Variants in DMD observed in about 807,000 individuals in gnomAD.
DMD encodes the protein dystrophin.
A neutral mutation model predicts 330.1 loss-of-function variants in DMD; 63 were observed. The observed-to-expected ratio is 0.19, with a 90% CI of 0.16 to 0.24. The LOEUF (loss-of-function observed/expected upper bound fraction) is 0.24. Among genes scored for constraint, DMD ranks in the 10% least tolerant of loss-of-function variants. The pLI, the probability that DMD is intolerant of heterozygous loss-of-function variation, is 1.00. For synonymous variants in DMD, 1,223 were observed against 959.8 expected (o/e 1.27, Z -5.07); for missense variants, 3,344 against 2,684.1 (o/e 1.25, Z -5.43).
chrX:31,509,003 A>G (rs946355200), intron 55 of DMD, among the ~76,000 whole-genome samples: 1 of 111,275 alleles, frequency 9.0e-6, no homozygotes, highest in Non-Finnish European at 1.9e-5. Context: ...GATGGACTCT[A>G]AAGAGAGTTG....
At chrX:33,051,079 T>A (rs191629411) in intron 1 of DMD, among the ~76,000 whole-genome samples, 3 of 112,252 alleles carry the variant, frequency 2.7e-5, no homozygotes, top group Non-Finnish European at 5.6e-5. Context: ...ACACCCATAA[T>A]GTAAGTAACG....
chrX:32,130,420 G>A (rs2146910082), intron 44 of DMD, among the ~76,000 whole-genome samples: 1 of 111,243 alleles, frequency 9.0e-6, no homozygotes, highest in Non-Finnish European at 1.9e-5. Context: ...TCTTGTTTCT[G>A]TATAAATTCC....
chrX:31,794,718 CTTT>C (rs373671829), intron 50 of DMD, among the ~76,000 whole-genome samples: 6 of 99,482 alleles, frequency 6.0e-5, no homozygotes, highest in Non-Finnish European at 2.1e-5. Flanking sequence ...GCTAGTTCCT[CTTT>C]TTTTTTTTTT....
At chrX:32,603,498 G>T (rs1284024077) in intron 12 of DMD, among the ~76,000 whole-genome samples, 1 of 110,059 alleles carries the variant, frequency 9.1e-6, no homozygotes, top group Non-Finnish European at 1.9e-5. Context: ...CAGAATATAA[G>T]AAATAACAAT....
chrX:33,016,845 G>A (rs372165779), intron 2 of DMD, among the ~76,000 whole-genome samples: 1 of 111,716 alleles, frequency 9.0e-6, no homozygotes, highest in African/African-American at 3.2e-5. Context: ...TTTCAAAACT[G>A]TACTTCCCTT....
At chrX:32,466,979 C>A (rs1402264365) in intron 23 of DMD, among the ~76,000 whole-genome samples, 1 of 111,685 alleles carries the variant, frequency 9.0e-6, no homozygotes, top group African/African-American at 3.3e-5. Context: ...CACCTACCTT[C>A]CTCCTTCACT....
intron 42 of DMD, 110 bp from the exon 43 acceptor site, chrX:32,287,811 C>T: frequency 1.9e-6 from 1 of 533,582 alleles, no homozygotes; most frequent in Non-Finnish European, 2.8e-6. Context: ...TGTTGCAATT[C>T]TTAATTATTG....
chrX:32,278,965 G>A (rs1411441341), intron 43 of DMD, among the ~76,000 whole-genome samples: 2 of 111,779 alleles, frequency 1.8e-5, no homozygotes, highest in African/African-American at 3.2e-5. Context: ...CAACTCTATA[G>A]GAAAAAGTCT....
At chrX:31,409,120 A>G (rs976889603) in intron 60 of DMD, among the ~76,000 whole-genome samples, 10 of 111,231 alleles carry the variant, frequency 9.0e-5, no homozygotes, top group Non-Finnish European at 1.9e-4. Context: ...TGAATTCATC[A>G]TTTTTTATGG....
chrX:31,296,211 T>C (rs1042038737), intron 62 of DMD, among the ~76,000 whole-genome samples: 2 of 111,275 alleles, frequency 1.8e-5, no homozygotes, highest in Admixed American at 1.9e-4. Context: ...TTCCATTTAC[T>C]TCTGCCATGG....
intron 1 of DMD, among the ~76,000 whole-genome samples, chrX:33,237,006 G>A (rs1332048140): frequency 1.8e-5 from 2 of 111,415 alleles, no homozygotes; most frequent in Non-Finnish European, 3.8e-5. Context: ...TGCATCCAGC[G>A]AGCAAAAACC....
In DMD at chrX:31,608,893, T is replaced by C. The variant is rs147275874; in HGVS notation, c.8217+18780A>G. Among the ~76,000 whole-genome samples the C allele has an allele frequency of 7.3e-3, 814 of 111,724 alleles. 3 individuals carry two copies. The highest frequency in any genetic ancestry group is 0.013 in the Non-Finnish European group (666 of 53,017). The stretch of plus-strand genomic sequence containing the variant: ...TAAGGAGGCATTGTTAAGGTTGTGA[T>C]TGCAGAAGGTGGAGAAGAAATGGGA... On this transcript the variant is annotated intron_variant, in intron 55 of 78. Coordinates refer to ENST00000357033, the MANE Select transcript of DMD (RefSeq NM_004006.3).
chrX:32,034,987 A>G (rs923996472), intron 44 of DMD, among the ~76,000 whole-genome samples: 1 of 111,771 alleles, frequency 8.9e-6, no homozygotes, highest in Admixed American at 9.5e-5. Context: ...TAAATTTTCA[A>G]TTCCATTCAA....
At chrX:31,552,815 CGCAGAATGGAGATGAT>C (rs2074569077) in intron 55 of DMD, among the ~76,000 whole-genome samples, 1 of 111,778 alleles carries the variant, frequency 8.9e-6, no homozygotes, top group African/African-American at 3.3e-5. Context: ...TTTCCTTATC[CGCAGAATGGAGATGAT>C]AATACCACCT....
chrX:31,999,860 A>G (rs2095613692), intron 44 of DMD, among the ~76,000 whole-genome samples: 1 of 111,818 alleles, frequency 8.9e-6, no homozygotes, highest in South Asian at 3.7e-4. Context: ...CACCTGAAGT[A>G]GAAACTGTCT....
At chrX:33,148,900 G>A (rs1030413576) in intron 1 of DMD, among the ~76,000 whole-genome samples, 2 of 110,466 alleles carry the variant, frequency 1.8e-5, no homozygotes, top group Non-Finnish European at 3.8e-5. Context: ...CTTCACTGGG[G>A]AGGTAAAGTC....
intron 44 of DMD, among the ~76,000 whole-genome samples, chrX:32,041,774 G>T (rs746879545): frequency 1.8e-5 from 2 of 108,954 alleles, no homozygotes; most frequent in African/African-American, 6.7e-5. Context: ...TAGGTCTTCA[G>T]TTTCTAACAC....
chrX:32,546,239 C>A (rs755139403), intron 16 of DMD, among the ~76,000 whole-genome samples: 55 of 105,890 alleles, frequency 5.2e-4, no homozygotes, highest in African/African-American at 1.8e-3. Context: ...CCTCTCATGA[C>A]GATTGTAACG....
At chrX:31,346,997 C>A in intron 61 of DMD, among the ~76,000 whole-genome samples, 1 of 24,962 alleles carries the variant, frequency 4.0e-5, no homozygotes, top group Admixed American at 5.3e-4. Flanking sequence ...ATGAGGCTCC[C>A]TCTCAAAAAA....
Sources: allele counts gnomAD v4.1 joint callset (sites outside exome capture counted in the v4.1 genomes callset), GRCh38; gene constraint gnomAD v4.1.1; transcripts MANE v1.5; gene names NCBI Gene and HGNC (gene_info 2026-07-23, HGNC 2026-07-21).